SRD5A3: variants seen among roughly 807,000 people sequenced by gnomAD.
SRD5A3 encodes steroid 5 alpha-reductase 3.
In SRD5A3, 24 loss-of-function variants were observed where a neutral mutation model predicts 34.3. The ratio of observed to expected loss-of-function variants is 0.70; its 90% CI spans 0.51 to 0.99. The LOEUF is 0.99. Among genes scored for constraint, SRD5A3 ranks in the 50% least tolerant of loss-of-function variants. SRD5A3 has a pLI of 0.00. For missense variants in SRD5A3, 350 were observed against 388.2 expected, an observed-to-expected ratio of 0.90 and a Z score of 0.83; for synonymous variants, 161 against 167.3, an observed-to-expected ratio of 0.96 and a Z score of 0.29.
intron 1 of SRD5A3, among the ~76,000 whole-genome samples, chr4:55,349,077 C>T (rs1055851427): frequency 6.6e-6 from 1 of 152,160 alleles, no homozygotes; most frequent in Non-Finnish European, 1.5e-5. Flanking sequence ...CTCTGTCGCC[C>T]AGGCTGGAAC....
intron 2 of SRD5A3, among the ~76,000 whole-genome samples, chr4:55,361,477 C>A (rs947563772): frequency 9.2e-6 from 1 of 108,860 alleles, no homozygotes; most frequent in African/African-American, 3.6e-5. Flanking sequence ...AGCAAGACTC[C>A]GTCTCAAAAA....
intron 3 of SRD5A3, chr4:55,364,554 T>TA (rs1719805997): frequency 5.1e-6 from 2 of 392,724 alleles, no homozygotes; most frequent in African/African-American, 2.1e-5. Flanking sequence ...CTACTAAAAA[T>TA]TAAAAAAAAA....
chr4:55,367,867 T>G, intron 4 of SRD5A3, 145 bp downstream of exon 4: 1 of 1,062,814 alleles, frequency 9.4e-7, no homozygotes, highest in South Asian at 1.4e-5. Flanking sequence ...TGGGCCTTGA[T>G]CTTCCCATCT....
intron 3 of SRD5A3, among the ~76,000 whole-genome samples, chr4:55,365,069 A>G (rs1170203624): frequency 6.6e-6 from 1 of 152,180 alleles, no homozygotes; most frequent in Non-Finnish European, 1.5e-5. Flanking sequence ...AAAGAATTCA[A>G]GTCGCTTGGG....
At chr4:55,368,618 G>T (rs1418829688) in intron 4 of SRD5A3, among the ~76,000 whole-genome samples, 2 of 151,602 alleles carry the variant, frequency 1.3e-5, no homozygotes, top group African/African-American at 2.4e-5. Flanking sequence ...TACAGACAAG[G>T]TTTTGCCATG....
intron 2 of SRD5A3, 51 bp downstream of exon 2, chr4:55,359,539 C>T: frequency 6.2e-7 from 1 of 1,612,400 alleles, no homozygotes; most frequent in African/African-American, 1.3e-5. Context: ...TCTGTTGTTC[C>T]TGTCTGCAAG....
Position 55,372,381 on chromosome 4 carries a change from C to G in SRD5A3, c.*2290C>G, listed in dbSNP as rs946875219. 2 of 152,190 alleles carry G rather than the reference C, an allele frequency of 1.3e-5. No homozygotes were observed. Among genetic ancestry groups the G allele is most frequent in the African/African-American group, 4.8e-5 (2 of 41,442 alleles). 9.4% of individuals were successfully genotyped at this position (152,190 alleles called of 1,614,324 possible). ...GTTTCCCACCCCTGTTTCCTGCTGTCTCTCTCCCACTCATCCCTGTTTCTT... is the reference window on the plus strand; with the variant it reads ...GTTTCCCACCCCTGTTTCCTGCTGTGTCTCTCCCACTCATCCCTGTTTCTT... On this transcript the variant is annotated 3_prime_UTR_variant, in exon 5 of 5. Transcript: ENST00000264228.
rs3034886 is a variant in SRD5A3, at chr4:55,370,431, T to TCACACACACACA, written c.*371_*382dup. 8.5e-4 allele frequency: 192 copies of TCACACACACACA among 225,928 alleles called. No homozygotes were observed. Among genetic ancestry groups the TCACACACACACA allele is most frequent in the African/African-American group, 4.5e-3 (183 of 40,576 alleles). The allele number at this position is 225,928 out of a possible 1,614,324, so 14.0% of individuals were successfully genotyped here. A position where few individuals can be genotyped will look rare whatever the true frequency, so the allele number is the denominator to read the frequency against. On this transcript the variant is annotated 3_prime_UTR_variant, in exon 5 of 5. Coordinates refer to ENST00000264228, the MANE Select transcript of SRD5A3 (RefSeq NM_024592.5). ...AAAAACCGAAAATATACAAACAGCT[T>TCACACACACACA]CACACACACACACACACACACACAC... is the stretch of plus-strand genomic sequence containing the variant.
chr4:55,351,426 G>A (rs916957993), intron 1 of SRD5A3, among the ~76,000 whole-genome samples: 3 of 152,030 alleles, frequency 2.0e-5, no homozygotes, highest in Non-Finnish European at 2.9e-5. Context: ...ATCAAAAAGT[G>A]AGCAGGGCAA....
intron 1 of SRD5A3, chr4:55,351,784 A>T (rs1454769068): frequency 2.2e-6 from 1 of 464,568 alleles, no homozygotes; most frequent in Non-Finnish European, 4.2e-6. Context: ...TGGTTGAAGA[A>T]AGGCAGAGGA....
chr4:55,372,366 CCT>C lies in SRD5A3; in HGVS notation c.*2276_*2277del, dbSNP rs1461313915. 7.2e-5 allele frequency: 11 copies of C among 152,168 alleles called. No individual in the cohort carries two copies. The highest frequency in any genetic ancestry group is 1.4e-4 in the African/African-American group (6 of 41,440). 9.4% of individuals were successfully genotyped at this position (152,168 alleles called of 1,614,324 possible). A position where few individuals can be genotyped will look rare whatever the true frequency, so the allele number is the denominator to read the frequency against. On this transcript the variant is annotated 3_prime_UTR_variant, in exon 5 of 5. Coordinates refer to ENST00000264228, the MANE Select transcript of SRD5A3 (RefSeq NM_024592.5). ...AAGCTGCAGTGTCCAGTTTCCCACC[CCT>C]GTTTCCTGCTGTCTCTCTCCCACTC...
At chr4:55,363,813 T>A (rs539939103) in intron 2 of SRD5A3, among the ~76,000 whole-genome samples, 1 of 152,268 alleles carries the variant, frequency 6.6e-6, no homozygotes, top group African/African-American at 2.4e-5. Context: ...GACCGTGATG[T>A]CCCTGAAGCC....
intron 3 of SRD5A3, chr4:55,367,165 T>C: frequency 4.3e-6 from 1 of 232,980 alleles, no homozygotes; most frequent in Non-Finnish European, 8.5e-6. Flanking sequence ...TTTTCTTCAC[T>C]GTAAAACATA....
intron 1 of SRD5A3, among the ~76,000 whole-genome samples, chr4:55,350,467 C>T (rs1331864330): frequency 1.3e-5 from 2 of 152,146 alleles, no homozygotes; most frequent in Non-Finnish European, 2.9e-5. Context: ...TGTAAGCCTG[C>T]TGCATTTTAC....
At chr4:55,366,943 A>T (rs1187435765) in intron 3 of SRD5A3, 6 of 152,910 alleles carry the variant, frequency 3.9e-5, no homozygotes, top group African/African-American at 1.4e-4. Flanking sequence ...CACTCCTGAA[A>T]CTCAGTCTCT....
chr4:55,365,520 T>G (rs1392365512), intron 3 of SRD5A3: 1 of 152,302 alleles, frequency 6.6e-6, no homozygotes, highest in African/African-American at 2.4e-5. Context: ...TCATTCCTGG[T>G]GGGCAGTGCT....
At chr4:55,364,373 A>G (rs1719798402) in intron 3 of SRD5A3, 102 bp downstream of exon 3, 1 of 1,334,234 alleles carries the variant, frequency 7.5e-7, no homozygotes, top group Non-Finnish European at 1.1e-6. Context: ...CAGAAGTAAG[A>G]GACAGGCCCA....
chr4:55,366,923 T>A (rs1395572173), intron 3 of SRD5A3: 1 of 152,820 alleles, frequency 6.5e-6, no homozygotes, highest in African/African-American at 2.4e-5. Flanking sequence ...GATGATGCTT[T>A]GAGTGTTTCC....
At chr4:55,364,802 G>C (rs966930736) in intron 3 of SRD5A3, 3 of 178,958 alleles carry the variant, frequency 1.7e-5, no homozygotes, top group African/African-American at 7.1e-5. Flanking sequence ...TTTTGTTGCC[G>C]CTTAGTTCCT....
Sources: allele counts gnomAD v4.1 joint callset (sites outside exome capture counted in the v4.1 genomes callset), GRCh38; gene constraint gnomAD v4.1.1; transcripts MANE v1.5; gene names NCBI Gene and HGNC (gene_info 2026-07-23, HGNC 2026-07-21).